The following EYA4 variants were observed in gnomAD, a reference collection of about 807,000 sequenced individuals.
The protein encoded by EYA4 is EYA transcriptional coactivator and phosphatase 4.
Under a neutral mutation model 87.9 loss-of-function variants are expected in EYA4, and 31 were observed. The observed-to-expected ratio is 0.35, with a 90% CI of 0.27 to 0.48. The LOEUF (loss-of-function observed/expected upper bound fraction) is 0.48. Ranked by LOEUF, EYA4 falls within the 20% of genes least tolerant of loss-of-function variation. The probability of loss-of-function intolerance (pLI) is 0.99; values close to 1 mark genes in which losing one functional copy is unlikely to be tolerated. For synonymous variants in EYA4, 263 were observed against 270.6 expected (o/e 0.97, Z 0.28); for missense variants, 678 against 761.4 (o/e 0.89, Z 1.29).
At chr6:133,245,492 C>T (rs1206351633) in intron 1 of EYA4, among the ~76,000 whole-genome samples, 2 of 152,090 alleles carry the variant, frequency 1.3e-5, no homozygotes, top group Non-Finnish European at 2.9e-5. Context: ...TTCAGAAATA[C>T]AGTTGGGGGA....
chr6:133,326,030 T>C (rs1562292120), intron 2 of EYA4, among the ~76,000 whole-genome samples: 1 of 152,228 alleles, frequency 6.6e-6, no homozygotes, highest in Non-Finnish European at 1.5e-5. Flanking sequence ...TCACTGACCT[T>C]CTTGTAGGAG....
rs3065331 is a variant in EYA4, at chr6:133,273,097, G to GTATATATATATA, written c.-65-1610_-65-1599dup. Among the ~76,000 whole-genome samples, 66 of 106,646 alleles carry GTATATATATATA rather than the reference G, an allele frequency of 6.2e-4. 1 individual carries two copies. The highest frequency in any genetic ancestry group is 2.0e-3 in the African/African-American group (64 of 31,544). 70.0% of individuals were successfully genotyped at this position (106,646 alleles called of 152,430 possible). On this transcript the variant is annotated intron_variant, in intron 1 of 19. Coordinates refer to ENST00000355286, the MANE Select transcript of EYA4 (RefSeq NM_004100.5). The stretch of plus-strand genomic sequence containing the variant: ...CAGAACTAATAGGAGATATATATAT[G>GTATATATATATA]TATATATATATATATATATAAAGGG...
At chr6:133,394,501 C>T (rs1224344534) in intron 3 of EYA4, among the ~76,000 whole-genome samples, 1 of 151,550 alleles carries the variant, frequency 6.6e-6, no homozygotes, top group Admixed American at 6.6e-5. Context: ...CAAGGCTCCA[C>T]AGACTTGATG....
intron 1 of EYA4, among the ~76,000 whole-genome samples, chr6:133,262,781 A>G (rs1174670740): frequency 6.6e-6 from 1 of 152,200 alleles, no homozygotes; most frequent in Non-Finnish European, 1.5e-5. Context: ...TGCAAAGTCC[A>G]TGTTCTATCT....
intron 2 of EYA4, among the ~76,000 whole-genome samples, chr6:133,330,195 C>T (rs572361268): frequency 5.9e-5 from 9 of 152,122 alleles, no homozygotes; most frequent in South Asian, 2.1e-4. Context: ...AAGTCAAGAG[C>T]GTCTCCTTAT....
At chr6:133,280,737 C>T (rs1777554645) in intron 2 of EYA4, among the ~76,000 whole-genome samples, 1 of 152,150 alleles carries the variant, frequency 6.6e-6, no homozygotes, top group African/African-American at 2.4e-5. Flanking sequence ...CAATACAGCT[C>T]ACCCACTTAA....
chr6:133,456,431 C>G, intron 5 of EYA4, 125 bp from the exon 6 acceptor site: 1 of 763,852 alleles, frequency 1.3e-6, no homozygotes, highest in Non-Finnish European at 2.4e-6. Flanking sequence ...AACAAACTCT[C>G]TTCATCAACT....
At position 133,495,034 on chromosome 6, in the gene EYA4, C is replaced by T. The variant is rs1006298426; in HGVS notation, c.1192-11072C>T. Among the ~76,000 whole-genome samples the T allele has an allele frequency of 3.3e-5, 5 of 151,992 alleles. No homozygotes were observed. In the East Asian group the frequency reaches 7.7e-4, roughly 23 times the overall value. On this transcript the variant is annotated intron_variant, in intron 13 of 19. Coordinates refer to ENST00000355286, the MANE Select transcript of EYA4 (RefSeq NM_004100.5). ...CTATAATCCCAGCACTTTGGGAGGC[C>T]GAAGTGGGCAGATCATCTGAGGTCA...
chr6:133,281,569 G>T (rs930480092), intron 2 of EYA4, among the ~76,000 whole-genome samples: 2 of 152,018 alleles, frequency 1.3e-5, no homozygotes, highest in Non-Finnish European at 1.5e-5. Context: ...TTACATTTAG[G>T]TCTTTAGTTC....
At chr6:133,314,974 C>T (rs1329355128) in intron 2 of EYA4, among the ~76,000 whole-genome samples, 3 of 152,110 alleles carry the variant, frequency 2.0e-5, no homozygotes, top group Non-Finnish European at 4.4e-5. Context: ...GGGGTGGTGA[C>T]TGACTTTTCA....
intron 3 of EYA4, among the ~76,000 whole-genome samples, chr6:133,431,354 G>A (rs1037516436): frequency 4.6e-5 from 7 of 152,312 alleles, no homozygotes; most frequent in Middle Eastern, 3.4e-3. Flanking sequence ...TAGGGCAAGT[G>A]TGGCTTGGGG....
At chr6:133,392,661 TTGATTTAAG>T (rs1787403828) in intron 3 of EYA4, among the ~76,000 whole-genome samples, 1 of 152,240 alleles carries the variant, frequency 6.6e-6, no homozygotes, top group South Asian at 2.1e-4. Context: ...CTTATTTCTT[TTGATTTAAG>T]AACAAATACA....
intron 19 of EYA4, 54 bp from the exon 20 acceptor site, chr6:133,528,671 A>G (rs772355580): frequency 1.6e-6 from 2 of 1,223,428 alleles, no homozygotes; most frequent in Non-Finnish European, 2.4e-6. Flanking sequence ...ATCTCTCTCC[A>G]TGCCTCATTC....
chr6:133,296,859 A>C (rs1216749906), intron 2 of EYA4, among the ~76,000 whole-genome samples: 2 of 152,124 alleles, frequency 1.3e-5, no homozygotes, highest in Admixed American at 6.5e-5. Flanking sequence ...CATCTTACTG[A>C]TCTTTATCAC....
chr6:133,359,550 A>G (rs1784311581), intron 2 of EYA4, among the ~76,000 whole-genome samples: 1 of 152,212 alleles, frequency 6.6e-6, no homozygotes, highest in Non-Finnish European at 1.5e-5. Context: ...CAACATGTTT[A>G]GTTTATTAGG....
Position 133,512,785 on chromosome 6 carries a change from C to T in EYA4, c.1340+6C>T. The stretch of plus-strand genomic sequence containing the variant: ...GATAATGGGCAGGACTTAAGGTAAG[C>T]TATGCCTTTCAGTATGCTGTTTCCT... On this transcript the variant is annotated splice_donor_region_variant and intron_variant, in intron 15 of 19. Transcript: ENST00000355286. The T allele has an allele frequency of 1.2e-6, 2 of 1,611,832 alleles. No individual in the cohort carries two copies. Among genetic ancestry groups the T allele is most frequent in the South Asian group, 2.2e-5 (2 of 91,048 alleles).
chr6:133,274,424 T>C (rs183369672), intron 1 of EYA4, among the ~76,000 whole-genome samples: 1 of 152,342 alleles, frequency 6.6e-6, no homozygotes, highest in Admixed American at 6.5e-5. Context: ...CCTCCCTCAG[T>C]AAAATAGTGT....
At chr6:133,348,261 GTTTTTTTTTT>G (rs35905853) in intron 2 of EYA4, among the ~76,000 whole-genome samples, 371 of 68,778 alleles carry the variant, frequency 5.4e-3, no homozygotes, top group Admixed American at 0.015. Flanking sequence ...TCTTCAAGTA[GTTTTTTTTTT>G]TTTTTTTTTT....
chr6:133,502,967 G>C (rs1798266468), intron 13 of EYA4, among the ~76,000 whole-genome samples: 2 of 152,160 alleles, frequency 1.3e-5, no homozygotes, highest in Non-Finnish European at 1.5e-5. Flanking sequence ...TGCTTACTAA[G>C]TCCTGGCTCT....
Sources: allele counts gnomAD v4.1 joint callset (sites outside exome capture counted in the v4.1 genomes callset), GRCh38; gene constraint gnomAD v4.1.1; transcripts MANE v1.5; gene names NCBI Gene and HGNC (gene_info 2026-07-23, HGNC 2026-07-21).